CRTC1: variants seen among roughly 807,000 people sequenced by gnomAD.
CRTC1 encodes CREB regulated transcription coactivator 1.
A neutral mutation model predicts 66.1 loss-of-function variants in CRTC1; 18 were observed. The observed-to-expected ratio is 0.27, with a 90% CI of 0.19 to 0.40. The LOEUF is 0.40. CRTC1 is among the 10% of genes least tolerant of loss of function. The pLI is 1.00. For missense variants in CRTC1, 669 were observed against 887.9 expected, an observed-to-expected ratio of 0.75 and a Z score of 3.13; for synonymous variants, 416 against 398.8, an observed-to-expected ratio of 1.04 and a Z score of -0.51.
intron 6 of CRTC1, 128 bp from the exon 7 acceptor site, chr19:18,759,423 A>C: frequency 1.0e-6 from 1 of 978,088 alleles, no homozygotes; most frequent in Non-Finnish European, 1.5e-6. Flanking sequence ...GGCCCCAGCA[A>C]GCTTGGTTCT....
intron 1 of CRTC1, among the ~76,000 whole-genome samples, chr19:18,708,763 G>A (rs906590892): frequency 2.6e-5 from 4 of 152,178 alleles, no homozygotes; most frequent in Non-Finnish European, 4.4e-5. Flanking sequence ...ACCGCCGTTC[G>A]GGACCCTGTG....
chr19:18,694,893 C>CTT (rs371198258), intron 1 of CRTC1, among the ~76,000 whole-genome samples: 1 of 144,392 alleles, frequency 6.9e-6, no homozygotes. Context: ...TCAGCGACCT[C>CTT]TTTTTTTTTT....
At chr19:18,720,529 T>TG (rs2053602511) in intron 1 of CRTC1, among the ~76,000 whole-genome samples, 1 of 147,850 alleles carries the variant, frequency 6.8e-6, no homozygotes, top group African/African-American at 2.5e-5. Flanking sequence ...TTTAGTGTTT[T>TG]TTTTTTTTTT....
At chr19:18,734,502 T>TGG (rs929407337) in intron 1 of CRTC1, among the ~76,000 whole-genome samples, 11 of 141,268 alleles carry the variant, frequency 7.8e-5, no homozygotes, top group African/African-American at 2.7e-4. Flanking sequence ...CTGGACAACA[T>TGG]GGGGGACCCT....
rs369864281 is a variant in CRTC1 at position 18,685,841 on chromosome 19, T to C, written c.126+2013T>C. Among the ~76,000 whole-genome samples, 109 of 152,286 alleles carry C rather than the reference T, an allele frequency of 7.2e-4. No individual in the cohort carries two copies. The South Asian group carries it at 0.021, about 29-fold the overall frequency. On this transcript the variant is annotated intron_variant, in intron 1 of 13. Transcript: ENST00000321949. ...CCGGAAGAAAGGGGTCACAGTAGGTTCATGGGTGTCATTCTGATTAGAAGT... is the reference window on the plus strand; with the variant it reads ...CCGGAAGAAAGGGGTCACAGTAGGTCCATGGGTGTCATTCTGATTAGAAGT...
At chr19:18,719,341 G>T (rs2053572668) in intron 1 of CRTC1, among the ~76,000 whole-genome samples, 1 of 152,200 alleles carries the variant, frequency 6.6e-6, no homozygotes. Flanking sequence ...GGTCCCCAGG[G>T]CCTGCAGCAG....
At chr19:18,703,149 A>AT (rs984235655) in intron 1 of CRTC1, among the ~76,000 whole-genome samples, 2 of 151,930 alleles carry the variant, frequency 1.3e-5, no homozygotes, top group Non-Finnish European at 1.5e-5. Flanking sequence ...CGCCCGGCTA[A>AT]TTTTTTTGTG....
intron 1 of CRTC1, among the ~76,000 whole-genome samples, chr19:18,715,996 C>G (rs1048634836): frequency 8.6e-5 from 13 of 151,726 alleles, no homozygotes; most frequent in African/African-American, 3.1e-4. Flanking sequence ...CAGCGGTTGG[C>G]GGGGGGGGTG....
chr19:18,695,788 C>T (rs1174515265), intron 1 of CRTC1, among the ~76,000 whole-genome samples: 2 of 152,096 alleles, frequency 1.3e-5, no homozygotes, highest in Admixed American at 6.6e-5. Flanking sequence ...TGGCGTGAAC[C>T]CGGGAGGCAG....
chr19:18,768,081 G>T lies in CRTC1; in HGVS notation c.1012-404G>T, dbSNP rs1351310012. On this transcript the variant is annotated intron_variant, in intron 9 of 13. Coordinates refer to ENST00000321949, the MANE Select transcript of CRTC1 (RefSeq NM_015321.3). The surrounding 1 kb of genome is among the most constrained non-coding windows in gnomAD (Gnocchi z 5.6). Reference sequence around the variant, plus strand: ...CCAGAGTGGGCAAGGCTTTGGGCGGGGGGGTTTGGGAAGGCAAGGCCAGTG... The same window carrying T: ...CCAGAGTGGGCAAGGCTTTGGGCGGTGGGGTTTGGGAAGGCAAGGCCAGTG... Among the ~76,000 whole-genome samples, 1 of 152,216 alleles carries T rather than the reference G, an allele frequency of 6.6e-6. No homozygotes were observed. The highest frequency in any genetic ancestry group is 2.4e-5 in the African/African-American group (1 of 41,446).
chr19:18,704,541 G>A (rs760985870), intron 1 of CRTC1, among the ~76,000 whole-genome samples: 13 of 152,092 alleles, frequency 8.5e-5, no homozygotes, highest in African/African-American at 2.4e-4. Context: ...TTGAAACCCC[G>A]TCTCTATTAA....
chr19:18,739,297 G>A (rs1233083496), intron 1 of CRTC1, among the ~76,000 whole-genome samples: 1 of 152,244 alleles, frequency 6.6e-6, no homozygotes, highest in African/African-American at 2.4e-5. Context: ...CATCCCAGGA[G>A]CTCCCTCCAG....
chr19:18,692,199 C>T (rs982913556), intron 1 of CRTC1, among the ~76,000 whole-genome samples: 1 of 152,158 alleles, frequency 6.6e-6, no homozygotes, highest in African/African-American at 2.4e-5. Flanking sequence ...CTCCGGGCCT[C>T]GGTGGTAACC....
chr19:18,693,428 A>G (rs2052898862), intron 1 of CRTC1, among the ~76,000 whole-genome samples: 2 of 149,676 alleles, frequency 1.3e-5, no homozygotes, highest in Non-Finnish European at 3.0e-5. Context: ...GCCAGCACCT[A>G]CCACCAAATG....
chr19:18,731,933 G>T (rs2053899451), intron 1 of CRTC1, among the ~76,000 whole-genome samples: 1 of 152,198 alleles, frequency 6.6e-6, no homozygotes, highest in Admixed American at 6.5e-5. Flanking sequence ...CACCCCGGGG[G>T]CTCCTGCAGG....
At chr19:18,747,178 T>C (rs1466182310) in intron 4 of CRTC1, 64 bp downstream of exon 4, 2 of 1,088,700 alleles carry the variant, frequency 1.8e-6, no homozygotes, top group African/African-American at 1.8e-5. Context: ...ACTCTCATCA[T>C]GGTTACATGT....
Position 18,744,139 on chromosome 19 carries a change from C to T in CRTC1, c.243+1113C>T, listed in dbSNP as rs1459932385. 7 of 1,612,024 alleles carry T rather than the reference C, an allele frequency of 4.3e-6. No individual in the cohort carries two copies. Among genetic ancestry groups the T allele is most frequent in the East Asian group, 2.2e-5 (1 of 44,846 alleles). On this transcript the variant is annotated intron_variant, in intron 2 of 13. Coordinates refer to ENST00000321949, the MANE Select transcript of CRTC1 (RefSeq NM_015321.3). ...GGATTTCTGGGGGAGGCCCTGGCAGCGGCTCCTGTCTCTCTGGTAAATGAG... is the reference window on the plus strand; with the variant it reads ...GGATTTCTGGGGGAGGCCCTGGCAGTGGCTCCTGTCTCTCTGGTAAATGAG...
chr19:18,725,266 C>T (rs938251288), intron 1 of CRTC1, among the ~76,000 whole-genome samples: 2 of 152,194 alleles, frequency 1.3e-5, no homozygotes, highest in African/African-American at 2.4e-5. Flanking sequence ...CCTCCAGCCC[C>T]TTCTCTCCCC....
chr19:18,777,618 C>T lies in CRTC1; in HGVS notation c.*236C>T, dbSNP rs1430744759. ...CCAGGGCTGGGCTGGGATCGGAGGC[C>T]GTGAGCCTCCCGCCCCTGCAGACCC... On this transcript the variant is annotated 3_prime_UTR_variant, in exon 14 of 14. Coordinates refer to ENST00000321949, the MANE Select transcript of CRTC1 (RefSeq NM_015321.3). This position sits in a 1 kb window ranked among gnomAD's most constrained non-coding sequence, Gnocchi z 5.5. 5.7e-6 allele frequency: 3 copies of T among 522,012 alleles called. No individual in the cohort carries two copies. The highest frequency in any genetic ancestry group is 7.0e-5 in the East Asian group (2 of 28,450). The allele number at this position is 522,012 out of a possible 1,614,324, so 32.3% of individuals were successfully genotyped here. A position where few individuals can be genotyped will look rare whatever the true frequency, so the allele number is the denominator to read the frequency against.
Sources: gnomAD v4.1 joint callset for allele counts (sites outside exome capture counted in the v4.1 genomes callset) on GRCh38, gnomAD v4.1.1 for gene constraint, Gnocchi (gnomAD v3.1) non-coding constraint, MANE v1.5 for transcripts, NCBI Gene and HGNC (gene_info 2026-07-23, HGNC 2026-07-21) for gene names.